PALB2: variants seen among roughly 807,000 people sequenced by gnomAD.
PALB2 encodes the protein partner and localizer of BRCA2, also known as mutant partner and localizer of BRCA2.
A neutral mutation model predicts 107.4 loss-of-function variants in PALB2; 82 were observed. That is an observed-to-expected ratio of 0.76 (90% CI 0.64 to 0.92). The LOEUF is 0.92. Ranked by LOEUF, PALB2 falls within the 40% of genes least tolerant of loss-of-function variation. The probability of loss-of-function intolerance (pLI) is 0.00; values close to 1 mark genes in which losing one functional copy is unlikely to be tolerated. For synonymous variants in PALB2, 489 were observed against 496.8 expected (o/e 0.98, Z 0.21); for missense variants, 1,374 against 1,379.9 (o/e 1.00, Z 0.07).
At position 23,635,546 on chromosome 16, in the gene PALB2, A is replaced by C. The variant is rs202241382; in HGVS notation, c.1000T>G (p.Tyr334Asp). The stretch of plus-strand genomic sequence containing the variant: ...TTTTCATTTGCTGGTAAGTTATTGT[A>C]GGTGAGTTCATTTAGAGAACATGAA... The part of the protein sequence containing the change: ...NISCSLNELT[Y>D]NNLPANENQN... Residue 334 changes from tyrosine to aspartate, a missense_variant, in exon 4 of 13, where the codon TAC becomes GAC. Transcript: ENST00000261584. 385 of 1,613,172 alleles carry C rather than the reference A, an allele frequency of 2.4e-4. 3 individuals are homozygous for C. The highest frequency in any genetic ancestry group is 2.5e-5 in the Non-Finnish European group (30 of 1,179,592).
chr16:23,607,864 C>T lies in PALB2; in HGVS notation c.3350G>A (p.Arg1117Lys), dbSNP rs876659859. The T allele has an allele frequency of 6.2e-7, 1 of 1,613,806 alleles. No individual in the cohort carries two copies. Among genetic ancestry groups the T allele is most frequent in the Non-Finnish European group, 8.5e-7 (1 of 1,179,938 alleles). Residue 1117 changes from arginine to lysine, a missense_variant and splice_region_variant, in exon 12 of 13, where the codon AGG (arginine) becomes AAG (lysine). Physicochemically the swap from Arg to Lys is conservative, Grantham distance 26. Transcript: ENST00000261584. ...TAGAGTAGCAGTTATGCACACTTGC[C>T]TGCCAGCCTGCCCTGGAGGAAGACA... ...LYCLPPGQAG[R>K]FLEGDVKDHC...
Position 23,630,059 on chromosome 16 carries a change from A to G in PALB2, c.2095T>C (p.Ser699Pro). 1 of 1,614,178 alleles carries G rather than the reference A, an allele frequency of 6.2e-7. No individual in the cohort carries two copies. Among genetic ancestry groups the G allele is most frequent in the East Asian group, 2.2e-5 (1 of 44,890 alleles). ...GGAGTATAAAGTAATATGGATGAAG[A>G]AAGGCCCGTCTTTGTATGCTGGCTT... ...SQSQHTKTGL[S>P]SSILLYTPLN... Residue 699 changes from serine (S) to proline (P), a missense_variant, in exon 5 of 13, where the codon TCT becomes CCT. Physicochemically the swap from Ser to Pro is moderately conservative, Grantham distance 74 (BLOSUM62 -1). Transcript: ENST00000261584.
chr16:23,618,827 A>T (rs761327525), intron 10 of PALB2, among the ~76,000 whole-genome samples: 2 of 152,206 alleles, frequency 1.3e-5, no homozygotes, highest in Non-Finnish European at 2.9e-5. Context: ...CTGGAAGAGC[A>T]CCATCCTCAA....
rs534169315 is a variant in PALB2, at chr16:23,609,515, C to A, written c.3202-1503G>T. 4.6e-5 allele frequency among the ~76,000 whole-genome samples: 7 copies of A among 152,184 alleles called. No individual in the cohort carries two copies. In the South Asian group the frequency reaches 1.5e-3, roughly 32 times the overall value. ...ACTATGGCCCACCAGGTAAATCTAA[C>A]CCAACACAATTTTTTTTTTTGAGAC... On this transcript the variant is annotated intron_variant, in intron 11 of 12. Transcript: ENST00000261584.
chr16:23,632,234 A>C (rs892955237), intron 4 of PALB2, among the ~76,000 whole-genome samples: 1 of 152,200 alleles, frequency 6.6e-6, no homozygotes, highest in African/African-American at 2.4e-5. Flanking sequence ...ACTTGAGGTC[A>C]GGAGTTTGAG....
intron 11 of PALB2, among the ~76,000 whole-genome samples, chr16:23,608,823 C>CACACACACACACACACACAT (rs1434556537): frequency 6.7e-6 from 1 of 148,176 alleles, no homozygotes; most frequent in Non-Finnish European, 1.5e-5. Context: ...CACACACACA[C>CACACACACACACACACACAT]ATATATACAG....
intron 6 of PALB2, among the ~76,000 whole-genome samples, chr16:23,626,906 C>G (rs1282800165): frequency 6.6e-6 from 1 of 152,002 alleles, no homozygotes; most frequent in African/African-American, 2.4e-5. Context: ...CAGGCATGAG[C>G]CACCGTGCCC....
In PALB2 at chr16:23,625,979, TCAAA is replaced by T. The variant is rs142599621; in HGVS notation, c.2748+253_2748+256del. On this transcript the variant is annotated intron_variant, in intron 7 of 12. Coordinates refer to ENST00000261584, the MANE Select transcript of PALB2 (RefSeq NM_024675.4). The stretch of plus-strand genomic sequence containing the variant: ...CTGCATGACAGAGTGAGACCCTGTC[TCAAA>T]CAAACAAACAAAAATTTGTGATAAA... Among the ~76,000 whole-genome samples the T allele has an allele frequency of 0.033, 5,049 of 152,180 alleles. 119 individuals are homozygous for T. The highest frequency in any genetic ancestry group is 0.088 in the Middle Eastern group (26 of 294).
At chr16:23,639,626 C>A (rs893253874) in intron 1 of PALB2, among the ~76,000 whole-genome samples, 3 of 151,630 alleles carry the variant, frequency 2.0e-5, no homozygotes, top group Admixed American at 6.6e-5. Flanking sequence ...TCAAAACCAG[C>A]CTGGCCAACA....
chr16:23,623,899 G>T (rs1009729196), intron 8 of PALB2, 110 bp downstream of exon 8: 38 of 747,954 alleles, frequency 5.1e-5, no homozygotes, highest in Non-Finnish European at 1.4e-5. Context: ...TCTCTCTTTA[G>T]ATCTTTCAGA....
At chr16:23,631,752 C>T (rs1014203525) in intron 4 of PALB2, among the ~76,000 whole-genome samples, 2 of 152,196 alleles carry the variant, frequency 1.3e-5, no homozygotes, top group African/African-American at 4.8e-5. Context: ...ACTGTGATTT[C>T]AACAGGCTGC....
At chr16:23,613,297 G>GC (rs1302621902) in intron 11 of PALB2, among the ~76,000 whole-genome samples, 1 of 152,140 alleles carries the variant, frequency 6.6e-6, no homozygotes, top group Admixed American at 6.5e-5. Context: ...GACTATTAGT[G>GC]CAAGAGCTGA....
intron 8 of PALB2, 188 bp downstream of exon 8, chr16:23,623,821 G>C: frequency 1.7e-6 from 1 of 597,650 alleles, no homozygotes; most frequent in Non-Finnish European, 3.0e-6. Context: ...GCCCAGCCTA[G>C]GTTCACATTT....
chr16:23,635,889 G>A lies in PALB2; in HGVS notation c.657C>T (p.Asp219=), dbSNP rs1467537798. 6.2e-7 allele frequency: 1 copy of A among 1,614,098 alleles called. No individual in the cohort carries two copies. The highest frequency in any genetic ancestry group is 8.5e-7 in the Non-Finnish European group (1 of 1,179,978). ...GGGCAGTTGGTGGAATTAATACACTGTCTTCATTAATTTCTGTAACTGGTT... is the reference window on the plus strand; with the variant it reads ...GGGCAGTTGGTGGAATTAATACACTATCTTCATTAATTTCTGTAACTGGTT... ...SPEPVTEINE[D]SVLIPPTAQP... The change falls in exon 4 of 13, where the codon GAC becomes GAT. Residue 219 remains aspartate, a synonymous_variant. Transcript: ENST00000261584.
At chr16:23,638,449 C>T in intron 1 of PALB2, 2 of 473,622 alleles carry the variant, frequency 4.2e-6, no homozygotes, top group Middle Eastern at 3.1e-4. Flanking sequence ...GTCCTCTGTA[C>T]TTTCCTTACC....
chr16:23,630,499 TAACAAAACCC>T (rs767535890), intron 4 of PALB2, 30 bp from the exon 5 acceptor site: 18 of 1,522,012 alleles, frequency 1.2e-5, no homozygotes, highest in Non-Finnish European at 1.6e-5. Flanking sequence ...CACAAAATAG[TAACAAAACCC>T]AACAAAACAG....
At chr16:23,628,298 T>A (rs1360708887) in intron 6 of PALB2, among the ~76,000 whole-genome samples, 2 of 152,216 alleles carry the variant, frequency 1.3e-5, no homozygotes, top group Admixed American at 1.3e-4. Context: ...GGTATTACTA[T>A]GCATCCTTTA....
rs2142371092 is a variant in PALB2 at position 23,629,623 on chromosome 16, G to A, written c.2514+17C>T. 1 of 1,610,912 alleles carries A rather than the reference G, an allele frequency of 6.2e-7. No individual in the cohort carries two copies. The highest frequency in any genetic ancestry group is 1.1e-5 in the South Asian group (1 of 91,002). On this transcript the variant is annotated intron_variant, in intron 5 of 12. Coordinates refer to ENST00000261584, the MANE Select transcript of PALB2 (RefSeq NM_024675.4). ...TCATTCCTTCAGAGAAAATTTCACA[G>A]AGGAAATGGATTGTACCTGTTCGAC...
At chr16:23,614,685 C>G in intron 10 of PALB2, among the ~76,000 whole-genome samples, 1 of 130,846 alleles carries the variant, frequency 7.6e-6, no homozygotes, top group Non-Finnish European at 1.6e-5. Context: ...GAGTCTCGCT[C>G]TGTGGCCCAG....
Sources: allele counts gnomAD v4.1 joint callset (sites outside exome capture counted in the v4.1 genomes callset), GRCh38; gene constraint gnomAD v4.1.1; transcripts MANE v1.5; gene names NCBI Gene and HGNC (gene_info 2026-07-23, HGNC 2026-07-21).